The following FAM167A variants were observed in gnomAD, a reference collection of about 807,000 sequenced individuals.
The protein encoded by FAM167A is family with sequence similarity 167 member A.
Under a neutral mutation model 14.9 loss-of-function variants are expected in FAM167A, and 23 were observed. The ratio of observed to expected loss-of-function variants is 1.55; its 90% CI spans 1.11 to 2.19. The LOEUF (loss-of-function observed/expected upper bound fraction) is 2.19. FAM167A is among the 30% of genes most tolerant of loss of function. The probability of loss-of-function intolerance (pLI) is 0.00; values close to 1 mark genes in which losing one functional copy is unlikely to be tolerated. For synonymous variants in FAM167A, 174 were observed against 117.7 expected (o/e 1.48, Z -3.10); for missense variants, 401 against 281.5 (o/e 1.42, Z -3.04).
At chr8:11,474,289 A>G (rs1325470923) in intron 1 of FAM167A, among the ~76,000 whole-genome samples, 1 of 152,220 alleles carries the variant, frequency 6.6e-6, no homozygotes, top group Non-Finnish European at 1.5e-5. Flanking sequence ...ATATTCAACA[A>G]GCAAACTGGC....
intron 2 of FAM167A, among the ~76,000 whole-genome samples, chr8:11,426,448 C>A (rs994882343): frequency 6.6e-6 from 1 of 152,194 alleles, no homozygotes; most frequent in African/African-American, 2.4e-5. Flanking sequence ...TTGTTTTCTT[C>A]TGTTAACAAA....
chr8:11,473,951 C>T (rs918757952), intron 1 of FAM167A, among the ~76,000 whole-genome samples: 1 of 152,100 alleles, frequency 6.6e-6, no homozygotes, highest in Admixed American at 6.5e-5. Context: ...CAGCTCACTG[C>T]CAATCTTTGC....
chr8:11,453,017 C>T (rs1807087880), intron 1 of FAM167A, among the ~76,000 whole-genome samples: 1 of 152,166 alleles, frequency 6.6e-6, no homozygotes, highest in Non-Finnish European at 1.5e-5. Flanking sequence ...CGGCTGCCCC[C>T]ATTCCCCTGC....
At chr8:11,438,282 C>G (rs1327634218) in intron 2 of FAM167A, 10 of 399,198 alleles carry the variant, frequency 2.5e-5, no homozygotes, top group South Asian at 1.1e-4. Context: ...AAAGGGAGAG[C>G]AGGCAGGACC....
At position 11,424,362 on chromosome 8, in the gene FAM167A, C is replaced by A. The variant is rs1464211078; in HGVS notation, c.*11G>T. 1.9e-6 allele frequency: 3 copies of A among 1,613,734 alleles called. No homozygotes were observed. Among genetic ancestry groups the A allele is most frequent in the African/African-American group, 1.3e-5 (1 of 74,910 alleles). Reference sequence around the variant, plus strand: ...CTCCGCTCCAGCCCCTCCGCCCAGTCTGAGGGCTCCTCAGCAGAGAGAGAA... The same window carrying A: ...CTCCGCTCCAGCCCCTCCGCCCAGTATGAGGGCTCCTCAGCAGAGAGAGAA... On this transcript the variant is annotated 3_prime_UTR_variant, in exon 3 of 3. Coordinates refer to ENST00000284486, the MANE Select transcript of FAM167A (RefSeq NM_053279.3).
chr8:11,472,423 T>G (rs79918215), upstream of FAM167A, among the ~76,000 whole-genome samples: 3,600 of 147,866 alleles, frequency 0.024, 73 homozygotes, highest in South Asian at 0.068. Flanking sequence ...TTTGTTTTGT[T>G]TTTTGTTTTT....
chr8:11,445,325 C>T, intron 1 of FAM167A: 1 of 986,224 alleles, frequency 1.0e-6, no homozygotes, highest in Non-Finnish European at 1.2e-6. Flanking sequence ...CCCTCACCAC[C>T]TCCACCCACC....
intron 2 of FAM167A, among the ~76,000 whole-genome samples, chr8:11,441,340 G>A (rs1806424468): frequency 6.6e-6 from 1 of 152,202 alleles, no homozygotes; most frequent in South Asian, 2.1e-4. Context: ...CCCTAAGTGT[G>A]GCCCAGGGAC....
At chr8:11,465,430 C>G (rs1807723776) in intron 1 of FAM167A, among the ~76,000 whole-genome samples, 1 of 152,148 alleles carries the variant, frequency 6.6e-6, no homozygotes, top group Admixed American at 6.5e-5. Flanking sequence ...AATAGAGTCT[C>G]CTTGAAGACT....
At chr8:11,469,696 A>T (rs907843859), upstream of FAM167A, among the ~76,000 whole-genome samples, 1 of 145,520 alleles carries the variant, frequency 6.9e-6, no homozygotes, top group African/African-American at 2.6e-5. Flanking sequence ...GTGAGACCCC[A>T]CTTCTACAAA....
At chr8:11,473,483 G>A (rs181687383) in intron 1 of FAM167A, among the ~76,000 whole-genome samples, 5 of 152,130 alleles carry the variant, frequency 3.3e-5, no homozygotes, top group African/African-American at 4.8e-5. Context: ...ACTGTACCCC[G>A]AAGAGATACT....
Position 11,424,095 on chromosome 8 carries a change from G to T in FAM167A, c.*278C>A. On this transcript the variant is annotated 3_prime_UTR_variant, in exon 3 of 3. Coordinates refer to ENST00000284486, the MANE Select transcript of FAM167A (RefSeq NM_053279.3). ...ACGTGACCGTGGAGGGATGGATTAT[G>T]GTGGGAACCCAGGTCTCCTTTAACA... 1 of 408,282 alleles carries T rather than the reference G, an allele frequency of 2.4e-6. No individual in the cohort carries two copies. Among genetic ancestry groups the T allele is most frequent in the East Asian group, 4.2e-5 (1 of 23,770 alleles). The allele number at this position is 408,282 out of a possible 1,614,324, so 25.3% of individuals were successfully genotyped here. A position where few individuals can be genotyped will look rare whatever the true frequency, so the allele number is the denominator to read the frequency against.
chr8:11,438,570 T>A (rs1458549133), intron 2 of FAM167A: 1 of 443,100 alleles, frequency 2.3e-6, no homozygotes, highest in Admixed American at 2.6e-5. Flanking sequence ...ATACATGATA[T>A]ATTCCTATTT....
intron 2 of FAM167A, among the ~76,000 whole-genome samples, chr8:11,442,876 C>G (rs1486469777): frequency 6.6e-6 from 1 of 152,218 alleles, no homozygotes; most frequent in Non-Finnish European, 1.5e-5. Context: ...AACAGGCTTC[C>G]AATTAATCAG....
At chr8:11,458,010 G>A (rs372661642) in intron 1 of FAM167A, among the ~76,000 whole-genome samples, 20 of 152,342 alleles carry the variant, frequency 1.3e-4, no homozygotes, top group African/African-American at 3.4e-4. Flanking sequence ...GTGTGCTGAT[G>A]ACGCTGATGC....
At chr8:11,431,633 G>C (rs1805597307) in intron 2 of FAM167A, among the ~76,000 whole-genome samples, 1 of 152,202 alleles carries the variant, frequency 6.6e-6, no homozygotes, top group Admixed American at 6.5e-5. Flanking sequence ...CTAGCACTGA[G>C]AATACTGCAT....
At chr8:11,425,565 C>A (rs1805077468) in intron 2 of FAM167A, among the ~76,000 whole-genome samples, 1 of 152,126 alleles carries the variant, frequency 6.6e-6, no homozygotes, top group Non-Finnish European at 1.5e-5. Flanking sequence ...CTAAGCCCCC[C>A]AACTGACTGA....
intron 2 of FAM167A, among the ~76,000 whole-genome samples, chr8:11,426,303 C>T (rs1805141447): frequency 6.6e-6 from 1 of 152,188 alleles, no homozygotes; most frequent in African/African-American, 2.4e-5. Flanking sequence ...TAACTCCTGT[C>T]TCTCTGAAAT....
chr8:11,445,827 A>C (rs77865852), intron 1 of FAM167A, among the ~76,000 whole-genome samples: 9 of 151,892 alleles, frequency 5.9e-5, no homozygotes, highest in Non-Finnish European at 1.2e-4. Context: ...GTTTTAAAAA[A>C]AAAAATCTGT....
Sources: gnomAD v4.1 joint callset for allele counts (sites outside exome capture counted in the v4.1 genomes callset) on GRCh38, gnomAD v4.1.1 for gene constraint, MANE v1.5 for transcripts, NCBI Gene and HGNC (gene_info 2026-07-23, HGNC 2026-07-21) for gene names.